AFF2: variants seen among roughly 807,000 people sequenced by gnomAD.
The protein encoded by AFF2 is ALF transcription elongation factor 2, also known as AF4/FMR2 family member 2.
In AFF2, 14 loss-of-function variants were observed where a neutral mutation model predicts 76.9. The observed-to-expected ratio is 0.18, with a 90% CI of 0.12 to 0.28. The LOEUF is 0.28. AFF2 is among the 10% of genes least tolerant of loss of function. The pLI is 1.00. For missense variants in AFF2, 868 were observed against 1,001.1 expected (o/e 0.87, Z 1.79); for synonymous variants, 398 against 366.7 (o/e 1.09, Z -0.98).
intron 1 of AFF2, among the ~76,000 whole-genome samples, chrX:148,569,961 C>T (rs1002565702): frequency 1.8e-5 from 2 of 111,689 alleles, no homozygotes; most frequent in African/African-American, 6.5e-5. Context: ...ATCCTTGTCT[C>T]CATCTCACTG....
chrX:148,582,737 T>G (rs960045587), intron 1 of AFF2, among the ~76,000 whole-genome samples: 1 of 112,158 alleles, frequency 8.9e-6, no homozygotes, highest in South Asian at 3.6e-4. Flanking sequence ...ATTTTACTCC[T>G]AAGTATATAC....
chrX:148,698,140 A>C (rs898420551), intron 3 of AFF2, among the ~76,000 whole-genome samples: 1 of 112,315 alleles, frequency 8.9e-6, no homozygotes, highest in East Asian at 2.8e-4. Flanking sequence ...AACTTTGACT[A>C]AAGTCAGTCC....
intron 1 of AFF2, among the ~76,000 whole-genome samples, chrX:148,551,482 G>GAAAAAA (rs781883999): frequency 1.1e-4 from 4 of 38,002 alleles, no homozygotes; most frequent in African/African-American, 1.9e-4. Flanking sequence ...GCTGGGAAGT[G>GAAAAAA]AAAAAAAAAA....
chrX:148,789,497 C>T (rs911981704), intron 3 of AFF2, among the ~76,000 whole-genome samples: 17 of 111,521 alleles, frequency 1.5e-4, no homozygotes, highest in Admixed American at 1.3e-3. Flanking sequence ...AATCAGGACC[C>T]TTCATTTCAT....
At chrX:148,921,500 A>T (rs1259802828) in intron 9 of AFF2, among the ~76,000 whole-genome samples, 1 of 112,501 alleles carries the variant, frequency 8.9e-6, no homozygotes, top group Non-Finnish European at 1.9e-5. Context: ...AAATGGAATC[A>T]TACAGTATGT....
intron 1 of AFF2, among the ~76,000 whole-genome samples, chrX:148,602,344 G>A (rs931515786): frequency 1.8e-5 from 2 of 111,327 alleles, no homozygotes; most frequent in Non-Finnish European, 3.8e-5. Flanking sequence ...CATTCTGAGA[G>A]CAGTGGGAAG....
At chrX:148,910,766 G>T (rs2071459639) in intron 9 of AFF2, among the ~76,000 whole-genome samples, 1 of 111,701 alleles carries the variant, frequency 9.0e-6, no homozygotes, top group Admixed American at 9.5e-5. Flanking sequence ...AGATGAAAGA[G>T]ATTCACATGG....
intron 9 of AFF2, among the ~76,000 whole-genome samples, chrX:148,916,899 A>G (rs2071539237): frequency 8.9e-6 from 1 of 112,257 alleles, no homozygotes; most frequent in African/African-American, 3.2e-5. Context: ...CTCAAATAGT[A>G]GCTATCATAT....
intron 7 of AFF2, among the ~76,000 whole-genome samples, chrX:148,864,058 G>A (rs910159925): frequency 6.3e-5 from 7 of 111,301 alleles, no homozygotes; most frequent in Admixed American, 9.6e-5. Context: ...GTGGCACTGC[G>A]TGTTCATTGG....
At chrX:148,963,081 A>G (rs1204676605) in intron 13 of AFF2, 144 bp downstream of exon 13, 6 of 452,336 alleles carry the variant, frequency 1.3e-5, no homozygotes, top group African/African-American at 9.8e-5. Flanking sequence ...ACAAATACAC[A>G]AACTTTCCAT....
chrX:148,734,104 G>T (rs782244888), intron 3 of AFF2, among the ~76,000 whole-genome samples: 14 of 112,119 alleles, frequency 1.2e-4, no homozygotes, highest in African/African-American at 4.5e-4. Context: ...CACAGGGAGG[G>T]TGATGAAGTG....
intron 11 of AFF2, among the ~76,000 whole-genome samples, chrX:148,957,637 T>C (rs2072056974): frequency 8.9e-6 from 1 of 112,530 alleles, no homozygotes; most frequent in South Asian, 3.7e-4. Context: ...TTCGAGATGC[T>C]CAACTGGTAA....
chrX:148,540,998 C>T (rs782277016), intron 1 of AFF2, among the ~76,000 whole-genome samples: 17 of 112,261 alleles, frequency 1.5e-4, no homozygotes, highest in South Asian at 3.7e-4. Context: ...TTCAGCTACG[C>T]CAGATGCCTT....
At chrX:148,631,640 C>T (rs2053981977) in intron 1 of AFF2, among the ~76,000 whole-genome samples, 1 of 112,212 alleles carries the variant, frequency 8.9e-6, no homozygotes, top group Non-Finnish European at 1.9e-5. Flanking sequence ...AGACTTCATT[C>T]TAGTCTGCAG....
intron 4 of AFF2, among the ~76,000 whole-genome samples, chrX:148,819,784 A>T (rs2070306802): frequency 8.9e-6 from 1 of 112,081 alleles, no homozygotes; most frequent in East Asian, 2.8e-4. Context: ...TAAGAGTTTT[A>T]TTTAAGTCTT....
intron 3 of AFF2, among the ~76,000 whole-genome samples, chrX:148,688,046 C>T (rs1557260466): frequency 9.0e-6 from 1 of 110,892 alleles, no homozygotes; most frequent in African/African-American, 3.3e-5. Flanking sequence ...CCCCCTCCCT[C>T]ATGTTCTATA....
At chrX:148,723,092 A>G (rs1365821787) in intron 3 of AFF2, among the ~76,000 whole-genome samples, 1 of 111,497 alleles carries the variant, frequency 9.0e-6, no homozygotes, top group African/African-American at 3.3e-5. Flanking sequence ...CCACCACACA[A>G]TGAGAAGTGT....
intron 3 of AFF2, among the ~76,000 whole-genome samples, chrX:148,698,147 G>A (rs1336192171): frequency 8.9e-6 from 1 of 112,215 alleles, no homozygotes; most frequent in East Asian, 2.8e-4. Context: ...ACTAAAGTCA[G>A]TCCTGATTTC....
chrX:148,678,044 T>C (rs1445018743), intron 3 of AFF2, among the ~76,000 whole-genome samples: 1 of 112,125 alleles, frequency 8.9e-6, no homozygotes, highest in African/African-American at 3.2e-5. Context: ...TTTTCAAATA[T>C]AGAGAAATTA....
Sources: allele counts gnomAD v4.1 joint callset (sites outside exome capture counted in the v4.1 genomes callset), GRCh38; gene constraint gnomAD v4.1.1; transcripts MANE v1.5; gene names NCBI Gene and HGNC (gene_info 2026-07-23, HGNC 2026-07-21).